GPC5: variants seen among roughly 807,000 people sequenced by gnomAD.
GPC5 encodes glypican-5.
GPC5 carries 47 observed loss-of-function variants against 53.9 expected under a neutral mutation model. That is an observed-to-expected ratio of 0.87 (90% CI 0.69 to 1.11). The LOEUF is 1.11. GPC5 is among the 50% of genes most tolerant of loss of function. GPC5 has a pLI of 0.00. For missense variants in GPC5, 748 were observed against 713.1 expected (o/e 1.05, Z -0.56); for synonymous variants, 286 against 263.3 (o/e 1.09, Z -0.84).
chr13:92,037,017 T>A (rs1227097680), intron 6 of GPC5, among the ~76,000 whole-genome samples: 1 of 152,224 alleles, frequency 6.6e-6, no homozygotes, highest in South Asian at 2.1e-4. Context: ...TGGTATTTTT[T>A]AAAAATGTAA....
At chr13:91,406,916 A>C (rs542921083) in intron 1 of GPC5, among the ~76,000 whole-genome samples, 77 of 152,318 alleles carry the variant, frequency 5.1e-4, no homozygotes, top group African/African-American at 1.8e-3. Flanking sequence ...CGTATGGGTC[A>C]ATACTTATTT....
At chr13:91,818,401 G>A (rs920656797) in intron 5 of GPC5, among the ~76,000 whole-genome samples, 2 of 152,054 alleles carry the variant, frequency 1.3e-5, no homozygotes, top group African/African-American at 4.8e-5. Flanking sequence ...GATAATAATT[G>A]TTATATATAA....
intron 7 of GPC5, among the ~76,000 whole-genome samples, chr13:92,523,329 T>C (rs1881142374): frequency 6.6e-6 from 1 of 152,168 alleles, no homozygotes; most frequent in Non-Finnish European, 1.5e-5. Flanking sequence ...CTCAGTCATA[T>C]GCTGTTTAGA....
At chr13:92,046,656 A>T (rs570351852) in intron 6 of GPC5, among the ~76,000 whole-genome samples, 8 of 152,304 alleles carry the variant, frequency 5.3e-5, no homozygotes, top group African/African-American at 1.9e-4. Context: ...TATTCTGCTG[A>T]TTAGTCACAC....
chr13:91,731,677 T>G (rs1036149478), intron 4 of GPC5, among the ~76,000 whole-genome samples: 1 of 152,086 alleles, frequency 6.6e-6, no homozygotes, highest in African/African-American at 2.4e-5. Context: ...ATGCTCTCCC[T>G]CTCCTTGCTC....
At chr13:92,160,912 C>G (rs1251395814) in intron 7 of GPC5, among the ~76,000 whole-genome samples, 1 of 152,176 alleles carries the variant, frequency 6.6e-6, no homozygotes, top group African/African-American at 2.4e-5. Context: ...TGAATTAACT[C>G]TGTAGGATAT....
intron 7 of GPC5, among the ~76,000 whole-genome samples, chr13:92,811,799 G>A (rs946797384): frequency 2.6e-5 from 4 of 151,910 alleles, no homozygotes; most frequent in Non-Finnish European, 4.4e-5. Flanking sequence ...TGAGATGAAT[G>A]TTCAACATCA....
At chr13:91,957,887 G>A (rs2040088851) in intron 6 of GPC5, among the ~76,000 whole-genome samples, 1 of 151,200 alleles carries the variant, frequency 6.6e-6, no homozygotes, top group Non-Finnish European at 1.5e-5. Flanking sequence ...TACGAAAAAA[G>A]GAAAAGAAAA....
At chr13:92,810,131 G>T (rs1176566065) in intron 7 of GPC5, among the ~76,000 whole-genome samples, 1 of 151,936 alleles carries the variant, frequency 6.6e-6, no homozygotes, top group Non-Finnish European at 1.5e-5. Flanking sequence ...GGTTTTACAA[G>T]TATGGAGGTT....
intron 7 of GPC5, among the ~76,000 whole-genome samples, chr13:92,685,179 T>A (rs1012139205): frequency 6.6e-6 from 1 of 151,998 alleles, no homozygotes; most frequent in African/African-American, 2.4e-5. Context: ...GCAACCTCCA[T>A]CTCACGGGTT....
intron 7 of GPC5, among the ~76,000 whole-genome samples, chr13:92,569,594 T>C (rs1882960825): frequency 6.6e-6 from 1 of 152,046 alleles, no homozygotes; most frequent in Non-Finnish European, 1.5e-5. Flanking sequence ...GCAAAGGATG[T>C]CATCAAAAAC....
chr13:91,429,703 G>T (rs1009261083), intron 1 of GPC5, among the ~76,000 whole-genome samples: 5 of 152,138 alleles, frequency 3.3e-5, no homozygotes, highest in Admixed American at 2.6e-4. Context: ...ACAGAGAAAA[G>T]GTCAGTGGCT....
Position 92,525,636 on chromosome 13 carries a change from A to G in GPC5, c.1562-340646A>G, listed in dbSNP as rs112977805. Among the ~76,000 whole-genome samples, 141 of 152,152 alleles carry G rather than the reference A, an allele frequency of 9.3e-4. No homozygotes were observed. In the East Asian group the frequency reaches 0.02, roughly 22 times the overall value. ...GATTCCACCTAGTATACTGAATTAT[A>G]TCTCTAAGGGACTACTGCAAAAGAT... On this transcript the variant is annotated intron_variant, in intron 7 of 7. Transcript: ENST00000377067.
chr13:91,438,915 G>C (rs1370190133), intron 1 of GPC5, among the ~76,000 whole-genome samples: 16 of 152,226 alleles, frequency 1.1e-4, no homozygotes, highest in Admixed American at 1.0e-3. Context: ...TCAGACTGCT[G>C]TGCTAACAAT....
chr13:91,927,898 T>C (rs2039784072), intron 6 of GPC5, among the ~76,000 whole-genome samples: 1 of 152,188 alleles, frequency 6.6e-6, no homozygotes, highest in South Asian at 2.1e-4. Context: ...TTTTTCTTCC[T>C]TTAAAAAGAT....
At chr13:92,320,729 T>G (rs1208403450) in intron 7 of GPC5, among the ~76,000 whole-genome samples, 1 of 152,084 alleles carries the variant, frequency 6.6e-6, no homozygotes, top group African/African-American at 2.4e-5. Context: ...CAAATCTGAT[T>G]AACAACTAGA....
chr13:92,603,354 C>T (rs12427742), intron 7 of GPC5, among the ~76,000 whole-genome samples: 36,359 of 151,922 alleles, frequency 0.24, 4,479 homozygotes, highest in African/African-American at 0.25. Context: ...GCAACCTAGT[C>T]TTCTCAAATC....
intron 6 of GPC5, among the ~76,000 whole-genome samples, chr13:92,111,704 A>G (rs555629066): frequency 6.6e-6 from 1 of 152,318 alleles, no homozygotes; most frequent in Non-Finnish European, 1.5e-5. Flanking sequence ...TTTCCAAAAA[A>G]AAGGTGATAA....
rs1381493242 is a variant in GPC5, at chr13:92,240,226, A to G, written c.1561+95237A>G. 4 of 151,986 alleles carry G rather than the reference A, an allele frequency of 2.6e-5. No homozygotes were observed. In the East Asian group the frequency reaches 5.8e-4, roughly 22 times the overall value. The allele number at this position is 151,986 out of a possible 1,614,324, so 9.4% of individuals were successfully genotyped here. ...TAAAGTATAGCTATACAGACTGACT[A>G]AAAATATGAACCGTTTTTTCTCTGT... On this transcript the variant is annotated intron_variant, in intron 7 of 7. Transcript: ENST00000377067.
Sources: allele counts gnomAD v4.1 joint callset (sites outside exome capture counted in the v4.1 genomes callset), GRCh38; gene constraint gnomAD v4.1.1; transcripts MANE v1.5; gene names NCBI Gene and HGNC (gene_info 2026-07-23, HGNC 2026-07-21).